Variants in HMCN2 observed in about 807,000 individuals in gnomAD.
HMCN2 encodes hemicentin-2.
In HMCN2, 325 loss-of-function variants were observed where a neutral mutation model predicts 377.5. The ratio of observed to expected loss-of-function variants is 0.86; its 90% CI spans 0.79 to 0.94. The LOEUF (loss-of-function observed/expected upper bound fraction) is 0.94. HMCN2 is among the 40% of genes least tolerant of loss of function. The pLI, the probability that HMCN2 is intolerant of heterozygous loss-of-function variation, is 0.00. For missense variants in HMCN2, 4,543 were observed against 4,725.3 expected, an observed-to-expected ratio of 0.96 and a Z score of 1.13; for synonymous variants, 2,007 against 2,046.8, an observed-to-expected ratio of 0.98 and a Z score of 0.53.
At position 130,397,583 on chromosome 9, in the gene HMCN2, G is replaced by T. The variant is rs1047400958; in HGVS notation, c.11254G>T (p.Ala3752Ser). The T allele has an allele frequency of 1.6e-6, 2 of 1,289,690 alleles. No individual in the cohort carries two copies. Among genetic ancestry groups the T allele is most frequent in the Non-Finnish European group, 2.0e-6 (2 of 988,880 alleles). The allele number at this position is 1,289,690 out of a possible 1,614,324, so 79.9% of individuals were successfully genotyped here. A position where few individuals can be genotyped will look rare whatever the true frequency, so the allele number is the denominator to read the frequency against. Residue 3752 changes from alanine to serine, a missense_variant, in exon 74 of 98, where the codon GCC (alanine) becomes TCC (serine). Ala to Ser is a moderately conservative substitution (Grantham distance 99, BLOSUM62 1). Around this residue, in one of 5 missense-constraint regions of HMCN2, gnomAD observed 1,073 missense variants for 1,319.5 expected, o/e 0.81. Transcript: ENST00000683500. The part of the protein sequence containing the change: ...LRIQPVLAQD[A>S]GHYLCLASNS... ...AATCCAGCCAGTCCTTGCCCAGGAC[G>T]CCGGCCACTACCTCTGCCTGGCATC... is the stretch of plus-strand genomic sequence containing the variant.
At chr9:130,397,081 A>G (rs1477840165) in intron 73 of HMCN2, among the ~76,000 whole-genome samples, 2 of 152,200 alleles carry the variant, frequency 1.3e-5, no homozygotes, top group Non-Finnish European at 2.9e-5. Context: ...CACGTTGCTG[A>G]TAAAGACATA....
At chr9:130,432,617 G>C in intron 97 of HMCN2, 62 bp downstream of exon 97, 1 of 1,501,802 alleles carries the variant, frequency 6.7e-7, no homozygotes, top group Non-Finnish European at 9.0e-7. Flanking sequence ...AGTCACTGGG[G>C]GTGCAGGCTG....
intron 23 of HMCN2, among the ~76,000 whole-genome samples, chr9:130,340,829 T>G (rs36176480): frequency 3.9e-5 from 6 of 152,110 alleles, no homozygotes; most frequent in African/African-American, 1.4e-4. Flanking sequence ...CGAGTGGCGC[T>G]TCTTAAATGA....
intron 44 of HMCN2, among the ~76,000 whole-genome samples, chr9:130,368,652 G>T (rs978494616): frequency 6.6e-6 from 1 of 152,138 alleles, no homozygotes; most frequent in African/African-American, 2.4e-5. Context: ...TTGACTCACA[G>T]TTCCACATGG....
chr9:130,369,934 C>G lies in HMCN2; in HGVS notation c.7069+83C>G. ...GGGTTCAATCTCCAGGCACGGCCCTCAGGCTGTGATCCTGGGGTCACACCT... is the reference window on the plus strand; with the variant it reads ...GGGTTCAATCTCCAGGCACGGCCCTGAGGCTGTGATCCTGGGGTCACACCT... On this transcript the variant is annotated intron_variant, in intron 45 of 97. Coordinates refer to ENST00000683500, the MANE Select transcript of HMCN2 (RefSeq NM_001291815.2). This position sits in a 1 kb window ranked among gnomAD's most constrained non-coding sequence, Gnocchi z 4.5. The G allele has an allele frequency of 2.4e-6, 2 of 835,086 alleles. No individual in the cohort carries two copies. Among genetic ancestry groups the G allele is most frequent in the South Asian group, 5.5e-5 (1 of 18,296 alleles). The allele number at this position is 835,086 out of a possible 1,614,324, so 51.7% of individuals were successfully genotyped here. A position where few individuals can be genotyped will look rare whatever the true frequency, so the allele number is the denominator to read the frequency against.
intron 81 of HMCN2, among the ~76,000 whole-genome samples, chr9:130,405,384 C>G (rs1843044356): frequency 6.6e-6 from 1 of 152,258 alleles, no homozygotes; most frequent in Admixed American, 6.5e-5. Flanking sequence ...TTGGCATTAA[C>G]CGTCCTCTGG....
At chr9:130,346,600 C>T (rs1295237155) in intron 25 of HMCN2, among the ~76,000 whole-genome samples, 1 of 152,114 alleles carries the variant, frequency 6.6e-6, no homozygotes, top group Non-Finnish European at 1.5e-5. Flanking sequence ...AGGCCCTAAC[C>T]CCAGGGCACA....
chr9:130,318,933 A>C (rs1837705343), intron 15 of HMCN2, among the ~76,000 whole-genome samples: 1 of 152,200 alleles, frequency 6.6e-6, no homozygotes, highest in Non-Finnish European at 1.5e-5. Context: ...CGGCAATAGA[A>C]GGGGCTGTGG....
At chr9:130,415,113 T>C (rs1245067789) in intron 85 of HMCN2, among the ~76,000 whole-genome samples, 2 of 152,174 alleles carry the variant, frequency 1.3e-5, no homozygotes, top group Non-Finnish European at 2.9e-5. Flanking sequence ...GGAGGCCACG[T>C]GGGGAACCCG....
chr9:130,400,890 A>G lies in HMCN2; in HGVS notation c.11713A>G (p.Ser3905Gly), dbSNP rs79793659. 2,470 of 1,289,490 alleles carry G rather than the reference A, an allele frequency of 1.9e-3. 42 individuals are homozygous for G. The East Asian group carries it at 0.056, about 29-fold the overall frequency. 79.9% of individuals were successfully genotyped at this position (1,289,490 alleles called of 1,614,324 possible). A position where few individuals can be genotyped will look rare whatever the true frequency, so the allele number is the denominator to read the frequency against. The change falls in exon 77 of 98, where the codon AGC becomes GGC. Residue 3905 changes from serine (S) to glycine (G), a missense_variant. By Grantham distance (56) the Ser-to-Gly change is moderately conservative. Around this residue, in one of 5 missense-constraint regions of HMCN2, gnomAD observed 1,073 missense variants for 1,319.5 expected, o/e 0.81. Coordinates refer to ENST00000683500, the MANE Select transcript of HMCN2 (RefSeq NM_001291815.2). ...TGIPAPTVSW[S>G]KAGAQLGARG... is the part of the protein sequence containing the mutation. ...TATACCAGCTCCGACCGTGTCCTGG[A>G]GCAAGGCAGGCGCCCAGCTAGGAGC...
chr9:130,384,431 C>A lies in HMCN2; in HGVS notation c.8889C>A (p.Ser2963Arg). The A allele has an allele frequency of 7.7e-7, 1 of 1,303,954 alleles. No homozygotes were observed. The highest frequency in any genetic ancestry group is 1.0e-6 in the Non-Finnish European group (1 of 988,926). The allele number at this position is 1,303,954 out of a possible 1,614,324, so 80.8% of individuals were successfully genotyped here. A position where few individuals can be genotyped will look rare whatever the true frequency, so the allele number is the denominator to read the frequency against. The change falls in exon 58 of 98, where the codon AGC (serine) becomes AGA (arginine). Residue 2963 changes from serine to arginine, a missense_variant. Ser to Arg is a moderately radical substitution (Grantham distance 110, BLOSUM62 -1). Around this residue, in one of 5 missense-constraint regions of HMCN2, gnomAD observed 736 missense variants for 773.2 expected, o/e 0.95. Coordinates refer to ENST00000683500, the MANE Select transcript of HMCN2 (RefSeq NM_001291815.2). ...LEQVTAILNS[S>R]VSLPCDVHAH... ...AGGTCACTGCCATCCTCAACAGCAGCGTCTCCCTCCCTTGCGACGTCCACG... is the reference window on the plus strand; with the variant it reads ...AGGTCACTGCCATCCTCAACAGCAGAGTCTCCCTCCCTTGCGACGTCCACG...
intron 25 of HMCN2, among the ~76,000 whole-genome samples, chr9:130,345,819 C>T (rs1839364064): frequency 6.6e-6 from 1 of 151,918 alleles, no homozygotes; most frequent in Non-Finnish European, 1.5e-5. Flanking sequence ...CCTCCCTGTC[C>T]CTCATGCCAG....
At chr9:130,399,368 A>G in intron 75 of HMCN2, 143 bp from the exon 76 acceptor site, 3 of 1,023,792 alleles carry the variant, frequency 2.9e-6, no homozygotes, top group Middle Eastern at 2.8e-4. Context: ...TGTGGGGCAG[A>G]AACTTCTAGA....
At position 130,341,277 on chromosome 9, in the gene HMCN2, C is replaced by T. The variant is rs1839034135; in HGVS notation, c.3654C>T (p.Ala1218=). ...RGPQGSVHFA[A]IRTSDAGRYR... ...CTCAGGGCTCCGTCCACTTCGCAGCCATCAGAACCTCTGATGCCGGGAGGT... is the reference window on the plus strand; with the variant it reads ...CTCAGGGCTCCGTCCACTTCGCAGCTATCAGAACCTCTGATGCCGGGAGGT... Residue 1218 remains alanine (A), a synonymous_variant, in exon 24 of 98, where the codon GCC becomes GCT. Coordinates refer to ENST00000683500, the MANE Select transcript of HMCN2 (RefSeq NM_001291815.2). The T allele has an allele frequency of 6.6e-6, 1 of 152,250 alleles. No individual in the cohort carries two copies. 9.4% of individuals were successfully genotyped at this position (152,250 alleles called of 1,614,324 possible). A position where few individuals can be genotyped will look rare whatever the true frequency, so the allele number is the denominator to read the frequency against.
intron 78 of HMCN2, 138 bp from the exon 79 acceptor site, chr9:130,403,056 G>C: frequency 9.5e-7 from 1 of 1,047,830 alleles, no homozygotes; most frequent in South Asian, 1.5e-5. Context: ...CAGCCATGGC[G>C]TCCTTGTTGC....
At chr9:130,383,197 C>T (rs1841823041) in intron 56 of HMCN2, among the ~76,000 whole-genome samples, 1 of 152,204 alleles carries the variant, frequency 6.6e-6, no homozygotes, top group Non-Finnish European at 1.5e-5. Context: ...CCCTGAGTCA[C>T]CCCATGTGCA....
rs1330038503 is a variant in HMCN2, at chr9:130,400,837, C to T, written c.11660C>T (p.Pro3887Leu). ...QTDFTVTMMA[P>L]VVLTCHSTGI... ...GACTTCACCGTGACCATGATGGCAC[C>T]TGTGGTCCTCACATGTCACAGCACG... The change falls in exon 77 of 98, where the codon CCT becomes CTT. Residue 3887 changes from proline (P) to leucine (L), a missense_variant. Transcript: ENST00000683500. 1 of 1,289,534 alleles carries T rather than the reference C, an allele frequency of 7.8e-7. No homozygotes were observed. Among genetic ancestry groups the T allele is most frequent in the African/African-American group, 1.5e-5 (1 of 65,864 alleles). 79.9% of individuals were successfully genotyped at this position (1,289,534 alleles called of 1,614,324 possible).
intron 89 of HMCN2, among the ~76,000 whole-genome samples, chr9:130,425,337 C>T (rs1229241090): frequency 3.3e-5 from 5 of 152,110 alleles, no homozygotes; most frequent in Admixed American, 1.3e-4. Flanking sequence ...CTGAGCCCTG[C>T]GACTTCAGAT....
intron 15 of HMCN2, among the ~76,000 whole-genome samples, chr9:130,315,877 T>G (rs1184650094): frequency 6.6e-6 from 1 of 152,088 alleles, no homozygotes; most frequent in Non-Finnish European, 1.5e-5. Flanking sequence ...AGGACACTAA[T>G]CCCCATGGTA....
Sources: gnomAD v4.1 joint callset for allele counts (sites outside exome capture counted in the v4.1 genomes callset) on GRCh38, gnomAD v4.1.1 for gene constraint, gnomAD v4.1.1 regional missense constraint, Gnocchi (gnomAD v3.1) non-coding constraint, MANE v1.5 for transcripts, NCBI Gene and HGNC (gene_info 2026-07-23, HGNC 2026-07-21) for gene names.